Variants in ANK1 observed in about 807,000 individuals in gnomAD.
ANK1 encodes the protein ankyrin 1, also known as ankyrin-1.
A neutral mutation model predicts 210.4 loss-of-function variants in ANK1; 51 were observed. That is an observed-to-expected ratio of 0.24 (90% CI 0.19 to 0.31). The LOEUF (loss-of-function observed/expected upper bound fraction) is 0.31. Among genes scored for constraint, ANK1 ranks in the 10% least tolerant of loss-of-function variants. The pLI is 1.00. For synonymous variants in ANK1, 967 were observed against 1,025.9 expected (o/e 0.94, Z 1.10); for missense variants, 2,051 against 2,504.4 (o/e 0.82, Z 3.86).
rs780160212 is a variant in ANK1, at chr8:41,672,637, C to T, written c.4813G>A (p.Ala1605Thr). 6 of 1,614,242 alleles carry T rather than the reference C, an allele frequency of 3.7e-6. No individual in the cohort carries two copies. The highest frequency in any genetic ancestry group is 3.4e-6 in the Non-Finnish European group (4 of 1,180,040). The change falls in exon 38 of 43, where the codon GCA (alanine) becomes ACA (threonine). Residue 1605 changes from alanine (A) to threonine (T), a missense_variant. Physicochemically the swap from Ala to Thr is moderately conservative, Grantham distance 58. This residue lies in a region of ANK1 where 496 missense variants were observed against 533.4 expected (regional missense o/e 0.93). Coordinates refer to ENST00000289734, the MANE Select transcript of ANK1 (RefSeq NM_000037.4). ...ATGHEWKLEG[A>T]LSEEPRGPEL... is the part of the protein sequence containing the mutation. The stretch of plus-strand genomic sequence containing the variant: ...GGGCCCCGCGGTTCCTCTGAGAGTG[C>T]CCCCTCCAACTTCCACTCGTGACCT...
chr8:41,861,428 C>G (rs1813254829), intron 1 of ANK1, among the ~76,000 whole-genome samples: 1 of 152,222 alleles, frequency 6.6e-6, no homozygotes, highest in Non-Finnish European at 1.5e-5. Flanking sequence ...TTCGAAAGGG[C>G]CTGCGTGAAA....
At chr8:41,874,322 C>A (rs1156346234) in intron 1 of ANK1, among the ~76,000 whole-genome samples, 1 of 152,208 alleles carries the variant, frequency 6.6e-6, no homozygotes, top group Non-Finnish European at 1.5e-5. Context: ...GCCTCGATTT[C>A]AGATCTTATA....
intron 37 of ANK1, among the ~76,000 whole-genome samples, chr8:41,678,257 G>T (rs1242802728): frequency 1.3e-5 from 2 of 152,024 alleles, no homozygotes; most frequent in Non-Finnish European, 2.9e-5. Flanking sequence ...TCCTGCCTCA[G>T]CCTCTCAAGT....
chr8:41,666,589 C>A (rs1412880577), intron 39 of ANK1, among the ~76,000 whole-genome samples: 1 of 152,260 alleles, frequency 6.6e-6, no homozygotes, highest in Non-Finnish European at 1.5e-5. Flanking sequence ...TCCCAAGTCC[C>A]AAGTTACATG....
intron 3 of ANK1, among the ~76,000 whole-genome samples, chr8:41,728,683 C>CT (rs908284766): frequency 6.6e-6 from 1 of 152,034 alleles, no homozygotes; most frequent in African/African-American, 2.4e-5. Context: ...AAAGGAACTC[C>CT]TTTTTTTCTA....
At chr8:41,668,687 G>T in intron 38 of ANK1, 123 bp from the exon 39 acceptor site, 1 of 1,117,584 alleles carries the variant, frequency 8.9e-7, no homozygotes, top group Non-Finnish European at 1.3e-6. Context: ...CAAGGACACA[G>T]ACCGTCCTCC....
chr8:41,696,873 C>T (rs934655454), intron 24 of ANK1, 100 bp from the exon 25 acceptor site: 7 of 1,161,840 alleles, frequency 6.0e-6, no homozygotes, highest in African/African-American at 1.5e-5. Flanking sequence ...CGCTAGAAAC[C>T]AGGTGCCACG....
chr8:41,836,950 G>T (rs1807862116), intron 1 of ANK1, among the ~76,000 whole-genome samples: 1 of 151,956 alleles, frequency 6.6e-6, no homozygotes, highest in African/African-American at 2.4e-5. Context: ...ACAAAAGGAG[G>T]GTAAGAGGTT....
Position 41,661,878 on chromosome 8 carries a change from C to T in ANK1, c.5542G>A (p.Glu1848Lys), listed in dbSNP as rs1158748390. The T allele has an allele frequency of 1.2e-6, 2 of 1,614,000 alleles. No individual in the cohort carries two copies. The highest frequency in any genetic ancestry group is 2.2e-5 in the East Asian group (1 of 44,888). The change falls in exon 41 of 43, where the codon GAG (glutamate) becomes AAG (lysine). Residue 1848 changes from glutamate to lysine, a missense_variant and splice_region_variant. Transcript: ENST00000289734. Reference protein sequence around the residue: ...SSADAAQEHEEVELRGSGLQP... With the variant: ...SSADAAQEHEKVELRGSGLQP... ...TCCAGGGGCCCCTCTACAGTCACCT[C>T]CTCGTGCTCCTGGGCGGCATCGGCG...
chr8:41,795,505 T>C (rs1848583133), intron 1 of ANK1, among the ~76,000 whole-genome samples: 1 of 151,954 alleles, frequency 6.6e-6, no homozygotes, highest in Non-Finnish European at 1.5e-5. Flanking sequence ...CGAGACTCTG[T>C]CTTAAAAATA....
intron 1 of ANK1, among the ~76,000 whole-genome samples, chr8:41,776,609 A>C (rs1216448297): frequency 6.6e-6 from 1 of 152,126 alleles, no homozygotes; most frequent in Non-Finnish European, 1.5e-5. Flanking sequence ...TCTGCTGTGA[A>C]ACCCACTTCT....
In ANK1 at chr8:41,698,244, C is replaced by G. The variant is rs142717876; in HGVS notation, c.2559-123G>C. 1,437 of 962,636 alleles carry G rather than the reference C, an allele frequency of 1.5e-3. 5 individuals carry two copies. Among genetic ancestry groups the G allele is most frequent in the Admixed American group, 2.0e-3 (100 of 51,146 alleles). 59.6% of individuals were successfully genotyped at this position (962,636 alleles called of 1,614,324 possible). A position where few individuals can be genotyped will look rare whatever the true frequency, so the allele number is the denominator to read the frequency against. ...TCCAGAGCCTGACTGCGCTTCACAA[C>G]CTGGTGGAAGGACCGCCTCCTCCTC... is the stretch of plus-strand genomic sequence containing the variant. On this transcript the variant is annotated intron_variant, in intron 23 of 42. Transcript: ENST00000289734.
chr8:41,672,814 C>T lies in ANK1; in HGVS notation c.4636G>A (p.Val1546Ile), dbSNP rs1060130. 4.4e-5 allele frequency: 70 copies of T among 1,608,228 alleles called. No individual in the cohort carries two copies. Among genetic ancestry groups the T allele is most frequent in the South Asian group, 3.1e-4 (28 of 90,506 alleles). The change falls in exon 38 of 43, where the codon GTC becomes ATC. Residue 1546 changes from valine to isoleucine, a missense_variant. Transcript: ENST00000289734. Reference sequence around the variant, plus strand: ...GCCGCCAAGGGGATGGCGTCTAGGACGGCCACCTCATTCCAGTACTGGTCT... The same window carrying T: ...GCCGCCAAGGGGATGGCGTCTAGGATGGCCACCTCATTCCAGTACTGGTCT... ...RADQYWNEVA[V>I]LDAIPLAATE... is the part of the protein sequence containing the mutation.
chr8:41,723,031 G>T, intron 9 of ANK1, 94 bp downstream of exon 9: 1 of 1,106,904 alleles, frequency 9.0e-7, no homozygotes, highest in Non-Finnish European at 1.4e-6. Context: ...AGTAGTATTA[G>T]CATCTCTGTT....
At chr8:41,798,731 T>C (rs940850562), upstream of ANK1, among the ~76,000 whole-genome samples, 1 of 152,118 alleles carries the variant, frequency 6.6e-6, no homozygotes, top group Admixed American at 6.5e-5. Context: ...AGGTGGGGGC[T>C]GTCTCCCTCC....
At chr8:41,789,616 A>T (rs1041439212) in intron 1 of ANK1, among the ~76,000 whole-genome samples, 1 of 152,224 alleles carries the variant, frequency 6.6e-6, no homozygotes, top group Admixed American at 6.5e-5. Context: ...GGACATTGGG[A>T]CTGAAGACTA....
At chr8:41,701,922 C>T (rs893546759) in intron 21 of ANK1, 130 bp downstream of exon 21, 102 of 951,200 alleles carry the variant, frequency 1.1e-4, no homozygotes, top group Non-Finnish European at 1.3e-4. Context: ...AGCTCCCACC[C>T]GTCGGGCGCG....
At chr8:41,809,384 G>T (rs1413939009) in intron 1 of ANK1, among the ~76,000 whole-genome samples, 1 of 152,188 alleles carries the variant, frequency 6.6e-6, no homozygotes, top group Non-Finnish European at 1.5e-5. Context: ...ATTAGCAAAC[G>T]CGTCAACATG....
intron 1 of ANK1, among the ~76,000 whole-genome samples, chr8:41,873,595 G>A (rs1305120185): frequency 1.3e-5 from 2 of 152,212 alleles, no homozygotes; most frequent in Admixed American, 6.5e-5. Flanking sequence ...CTGGAATCAC[G>A]ATGCCTCCAT....
Sources: allele counts gnomAD v4.1 joint callset (sites outside exome capture counted in the v4.1 genomes callset), GRCh38; gene constraint gnomAD v4.1.1; regional missense constraint gnomAD v4.1.1; transcripts MANE v1.5; gene names NCBI Gene and HGNC (gene_info 2026-07-23, HGNC 2026-07-21).